Variants in TRPM7 observed in about 807,000 individuals in gnomAD.
TRPM7 encodes LTRPC ion channel family member 7.
A neutral mutation model predicts 229.7 loss-of-function variants in TRPM7; 134 were observed. The ratio of observed to expected loss-of-function variants is 0.58; its 90% CI spans 0.51 to 0.67. TRPM7 has a LOEUF of 0.67. Ranked by LOEUF, TRPM7 falls within the 30% of genes least tolerant of loss-of-function variation. The pLI, the probability that TRPM7 is intolerant of heterozygous loss-of-function variation, is 0.00. For missense variants in TRPM7, 1,901 were observed against 2,210.0 expected (o/e 0.86, Z 2.80); for synonymous variants, 699 against 715.2 (o/e 0.98, Z 0.36).
In TRPM7 at chr15:50,599,219, A is replaced by C. The variant is rs753313979; in HGVS notation, c.3066T>G (p.Leu1022=). 11 of 1,613,184 alleles carry C rather than the reference A, an allele frequency of 6.8e-6. No homozygotes were observed. The Admixed American group carries it at 1.5e-4, about 22-fold the overall frequency. The change falls in exon 22 of 39, where the codon CTT becomes CTG. Residue 1022 remains leucine (L), a synonymous_variant. Transcript: ENST00000646667. ...TCCAAGATGGTGCTTCATGAGGATA[A>C]AGTATTGCCTTTCTGGGAACACCAA... ...LSFGVPRKAI[L]YPHEAPSWTL...
In TRPM7 at chr15:50,557,724, A is replaced by T. The variant is rs545047822; in HGVS notation, c.*3954T>A. 6.6e-6 allele frequency: 1 copy of T among 152,078 alleles called. No homozygotes were observed. Among genetic ancestry groups the T allele is most frequent in the African/African-American group, 2.4e-5 (1 of 41,446 alleles). 9.4% of individuals were successfully genotyped at this position (152,078 alleles called of 1,614,324 possible). On this transcript the variant is annotated 3_prime_UTR_variant, in exon 39 of 39. Coordinates refer to ENST00000646667, the MANE Select transcript of TRPM7 (RefSeq NM_017672.6). ...GTGGCAGCAATCTAGGCTCACTGCAACCTCCACCTCTTGGGTTCAAGCAAT... is the reference window on the plus strand; with the variant it reads ...GTGGCAGCAATCTAGGCTCACTGCATCCTCCACCTCTTGGGTTCAAGCAAT...
chr15:50,567,969 C>T (rs1474924448), intron 38 of TRPM7, among the ~76,000 whole-genome samples: 2 of 151,598 alleles, frequency 1.3e-5, no homozygotes, highest in Non-Finnish European at 2.9e-5. Flanking sequence ...GTCCCAGCTA[C>T]TCGGGAGGCT....
rs1220038756 is a variant in TRPM7 at position 50,560,144 on chromosome 15, C to G, written c.*1534G>C. 6.6e-6 allele frequency: 1 copy of G among 150,496 alleles called. No homozygotes were observed. The highest frequency in any genetic ancestry group is 1.5e-5 in the Non-Finnish European group (1 of 67,756). 9.3% of individuals were successfully genotyped at this position (150,496 alleles called of 1,614,324 possible). A position where few individuals can be genotyped will look rare whatever the true frequency, so the allele number is the denominator to read the frequency against. ...AACAAAAAACAGATTTCTAAGAAGA[C>G]AGTAAGAAATCAGTATTAATTTAAA... On this transcript the variant is annotated 3_prime_UTR_variant, in exon 39 of 39. Transcript: ENST00000646667.
chr15:50,658,251 T>A (rs912385819), intron 2 of TRPM7, among the ~76,000 whole-genome samples: 4 of 152,012 alleles, frequency 2.6e-5, no homozygotes, highest in Non-Finnish European at 5.9e-5. Context: ...GTGATCCACC[T>A]GCCTCGGCCT....
chr15:50,632,358 A>G (rs2060765105), intron 9 of TRPM7, among the ~76,000 whole-genome samples: 1 of 152,172 alleles, frequency 6.6e-6, no homozygotes, highest in African/African-American at 2.4e-5. Context: ...ATTTTTGGCC[A>G]ACTTTATTTC....
intron 28 of TRPM7, among the ~76,000 whole-genome samples, chr15:50,583,925 G>A (rs1363314430): frequency 1.3e-5 from 2 of 152,080 alleles, no homozygotes; most frequent in Admixed American, 1.3e-4. Context: ...ATCTTTCGAT[G>A]CTCTCTTTAT....
At chr15:50,649,616 C>G (rs1330282520) in intron 3 of TRPM7, among the ~76,000 whole-genome samples, 1 of 151,894 alleles carries the variant, frequency 6.6e-6, no homozygotes, top group East Asian at 1.9e-4. Flanking sequence ...TTCAAGAAAC[C>G]GTGAACTAAT....
Position 50,574,660 on chromosome 15 carries a change from G to A in TRPM7, c.5079C>T (p.Pro1693=). 4 of 1,613,544 alleles carry A rather than the reference G, an allele frequency of 2.5e-6. No individual in the cohort carries two copies. The highest frequency in any genetic ancestry group is 3.4e-6 in the Non-Finnish European group (4 of 1,179,800). The change falls in exon 35 of 39, where the codon CCC becomes CCT. Residue 1693 remains proline, a synonymous_variant. Coordinates refer to ENST00000646667, the MANE Select transcript of TRPM7 (RefSeq NM_017672.6). The part of the protein sequence containing the change: ...KLTFAFNQMK[P]KSIPYSPRFL... ...ACCTTGGAGAATATGGTATGGATTT[G>A]GGTTTCATTTGATTAAAGGCAAACG...
intron 6 of TRPM7, 132 bp downstream of exon 6, chr15:50,639,282 GAAGTAAACCT>G (rs2061015289): frequency 3.4e-6 from 2 of 587,950 alleles, no homozygotes; most frequent in African/African-American, 3.9e-5. Context: ...CAAAAATTCA[GAAGTAAACCT>G]CAGGAAAATA....
rs2060023820 is a variant in TRPM7, at chr15:50,609,962, C to T, written c.2281-1G>A. On this transcript the variant is annotated splice_acceptor_variant, in intron 17 of 38. Transcript: ENST00000646667. LOFTEE classifies it high-confidence loss of function. ...GTGGAACTAAAATGCTTAGTATGAC[C>T]TAAATTTTTAGAAACATAATTTTGC... 1 of 1,562,682 alleles carries T rather than the reference C, an allele frequency of 6.4e-7. No homozygotes were observed. The highest frequency in any genetic ancestry group is 8.7e-7 in the Non-Finnish European group (1 of 1,154,634).
chr15:50,631,528 T>C, intron 9 of TRPM7, 39 bp from the exon 10 acceptor site: 1 of 1,415,936 alleles, frequency 7.1e-7, no homozygotes, highest in Non-Finnish European at 9.8e-7. Context: ...GCCTTTATAT[T>C]TTTAAAACAA....
intron 4 of TRPM7, among the ~76,000 whole-genome samples, chr15:50,647,074 G>C (rs1277277560): frequency 6.6e-6 from 1 of 152,188 alleles, no homozygotes; most frequent in East Asian, 1.9e-4. Flanking sequence ...CTTAAGTGAT[G>C]CATGACTGCA....
chr15:50,592,165 G>A lies in TRPM7; in HGVS notation c.4070C>T (p.Pro1357Leu), dbSNP rs750446200. The A allele has an allele frequency of 3.7e-6, 6 of 1,613,908 alleles. No homozygotes were observed. The highest frequency in any genetic ancestry group is 1.7e-5 in the Admixed American group (1 of 59,982). The change falls in exon 26 of 39, where the codon CCA becomes CTA. Residue 1357 changes from proline to leucine, a missense_variant. Pro to Leu is a moderately conservative substitution (Grantham distance 98). This residue lies in a region of TRPM7 where 533 missense variants were observed against 497.1 expected (regional missense o/e 1.07). Coordinates refer to ENST00000646667, the MANE Select transcript of TRPM7 (RefSeq NM_017672.6). ...CAGTTCTGGAGGGGAAACAGCACTTGGGAATAAGGCACCAGAAGAGGAACC... is the reference window on the plus strand; with the variant it reads ...CAGTTCTGGAGGGGAAACAGCACTTAGGAATAAGGCACCAGAAGAGGAACC... ...EAGSSSGALF[P>L]SAVSPPELRQ... is the part of the protein sequence containing the mutation.
At chr15:50,672,225 T>C (rs1448750307) in intron 1 of TRPM7, among the ~76,000 whole-genome samples, 2 of 152,044 alleles carry the variant, frequency 1.3e-5, no homozygotes, top group African/African-American at 2.4e-5. Context: ...AGCTAATTTT[T>C]TGTATTTTTA....
At chr15:50,642,504 A>G (rs143986432) in intron 5 of TRPM7, among the ~76,000 whole-genome samples, 14 of 152,268 alleles carry the variant, frequency 9.2e-5, no homozygotes, top group African/African-American at 2.6e-4. Context: ...GGTTTCCCCA[A>G]TGCTGTTCTG....
At chr15:50,581,029 C>T (rs1247580979) in intron 29 of TRPM7, 121 bp from the exon 30 acceptor site, 2 of 808,602 alleles carry the variant, frequency 2.5e-6, no homozygotes, top group Non-Finnish European at 3.8e-6. Flanking sequence ...AACTAACATA[C>T]AGTTCTTGTT....
chr15:50,665,430 TA>T (rs1486066374), intron 1 of TRPM7, among the ~76,000 whole-genome samples: 6 of 150,554 alleles, frequency 4.0e-5, no homozygotes, highest in Non-Finnish European at 7.4e-5. Context: ...TGCTTGACCA[TA>T]AAATAAGATT....
In TRPM7 at chr15:50,654,263, T is replaced by C. The variant is rs764521689; in HGVS notation, c.122+3518A>G. 7.4e-5 allele frequency among the ~76,000 whole-genome samples: 11 copies of C among 148,936 alleles called. 1 individual carries two copies. Among genetic ancestry groups the C allele is most frequent in the Non-Finnish European group, 1.2e-4 (8 of 66,210 alleles). On this transcript the variant is annotated intron_variant, in intron 3 of 38. Coordinates refer to ENST00000646667, the MANE Select transcript of TRPM7 (RefSeq NM_017672.6). The stretch of plus-strand genomic sequence containing the variant: ...GAGTTCCAGACCAGTCTGGCCAACA[T>C]AGTGAAACCCCATCTCTACTAAAAA...
chr15:50,574,517 G>C (rs769427003), intron 35 of TRPM7, 38 bp from the exon 36 acceptor site: 1 of 1,572,634 alleles, frequency 6.4e-7, no homozygotes, highest in Non-Finnish European at 8.6e-7. Flanking sequence ...TAGCAGTTTT[G>C]TTAATAAAAT....
Sources: allele counts gnomAD v4.1 joint callset (sites outside exome capture counted in the v4.1 genomes callset), GRCh38; gene constraint gnomAD v4.1.1; regional missense constraint gnomAD v4.1.1; transcripts MANE v1.5; gene names NCBI Gene and HGNC (gene_info 2026-07-23, HGNC 2026-07-21).